The following TNR variants were observed in gnomAD, a reference collection of about 807,000 sequenced individuals.
TNR encodes tenascin R.
In TNR, 45 loss-of-function variants were observed where a neutral mutation model predicts 150.4. The observed-to-expected ratio is 0.30, with a 90% confidence interval of 0.24 to 0.38. The LOEUF is 0.38. TNR is among the 10% of genes least tolerant of loss of function. The pLI is 1.00. For missense variants in TNR, 1,544 were observed against 1,759.1 expected (o/e 0.88, Z 2.19); for synonymous variants, 687 against 678.4 (o/e 1.01, Z -0.20).
intron 1 of TNR, among the ~76,000 whole-genome samples, chr1:175,674,723 C>A (rs1665810074): frequency 6.6e-6 from 1 of 152,164 alleles, no homozygotes; most frequent in Admixed American, 6.5e-5. Context: ...GCCAGGTGGC[C>A]TCCCTGGGTA....
At chr1:175,716,739 C>A (rs144757521) in intron 1 of TNR, among the ~76,000 whole-genome samples, 1 of 152,150 alleles carries the variant, frequency 6.6e-6, no homozygotes, top group Non-Finnish European at 1.5e-5. Context: ...GACATGAGGC[C>A]CAGGAGTTGG....
At chr1:175,720,031 G>C (rs1157072625) in intron 1 of TNR, among the ~76,000 whole-genome samples, 1 of 152,188 alleles carries the variant, frequency 6.6e-6, no homozygotes, top group Non-Finnish European at 1.5e-5. Context: ...GATCTGGACT[G>C]TTTCCAGCAC....
At chr1:175,742,054 T>A (rs1216379953) in intron 1 of TNR, among the ~76,000 whole-genome samples, 1 of 152,284 alleles carries the variant, frequency 6.6e-6, no homozygotes, top group East Asian at 1.9e-4. Context: ...TCAACACCAC[T>A]TGTTGAATGA....
Position 175,599,012 on chromosome 1 carries a change from G to A in TNR, c.-164-70643C>T, listed in dbSNP as rs866858877. On this transcript the variant is annotated intron_variant, in intron 1 of 22. Transcript: ENST00000367674. The surrounding 1 kb of genome is among the most constrained non-coding windows in gnomAD (Gnocchi z 4.7). ...ATCGAATGCACTCTTAGGTGGCTCC[G>A]GCTCTCCAGGAGCTAAAGGGCTTCC... 6.6e-6 allele frequency among the ~76,000 whole-genome samples: 1 copy of A among 152,198 alleles called. No individual in the cohort carries two copies. The highest frequency in any genetic ancestry group is 1.5e-5 in the Non-Finnish European group (1 of 68,030).
rs36055169 is a variant in TNR, at chr1:175,376,879, T to TATATATACAC, written c.1963+2672_1963+2673insGTGTATATAT. The stretch of plus-strand genomic sequence containing the variant: ...GTAATATTATATATATATATATATA[T>TATATATACAC]ACACATATATTTGAAATGTTTTAAA... On this transcript the variant is annotated intron_variant, in intron 9 of 22. Coordinates refer to ENST00000367674, the MANE Select transcript of TNR (RefSeq NM_003285.3). 5.6e-3 allele frequency among the ~76,000 whole-genome samples: 814 copies of TATATATACAC among 146,524 alleles called. 4 individuals carry two copies. The highest frequency in any genetic ancestry group is 9.2e-3 in the Non-Finnish European group (616 of 66,850).
intron 2 of TNR, among the ~76,000 whole-genome samples, chr1:175,439,506 A>G (rs1216968282): frequency 1.3e-4 from 20 of 152,274 alleles, no homozygotes; most frequent in Middle Eastern, 6.8e-3. Flanking sequence ...AATGGCAACA[A>G]AAGCCAAAAC....
intron 1 of TNR, among the ~76,000 whole-genome samples, chr1:175,598,592 G>A (rs1290279079): frequency 2.0e-5 from 3 of 152,226 alleles, no homozygotes; most frequent in Non-Finnish European, 4.4e-5. Context: ...TGCGTGAAAT[G>A]GCATGGTGAC....
intron 15 of TNR, 147 bp downstream of exon 15, chr1:175,359,465 G>C (rs1334672299): frequency 7.9e-7 from 1 of 1,273,562 alleles, no homozygotes; most frequent in African/African-American, 1.5e-5. Flanking sequence ...GGGATATCTT[G>C]AGGGCTTCAT....
At chr1:175,742,194 G>C (rs1446403845) in intron 1 of TNR, among the ~76,000 whole-genome samples, 1 of 152,208 alleles carries the variant, frequency 6.6e-6, no homozygotes, top group Non-Finnish European at 1.5e-5. Context: ...AGGAGAGACA[G>C]AGTAATACCT....
chr1:175,481,091 T>C (rs1022424650), intron 2 of TNR, among the ~76,000 whole-genome samples: 4 of 152,178 alleles, frequency 2.6e-5, no homozygotes, highest in Admixed American at 6.5e-5. Context: ...AATTTGTACA[T>C]TTCAGGCATT....
intron 2 of TNR, among the ~76,000 whole-genome samples, chr1:175,430,863 C>A (rs1655231845): frequency 6.6e-6 from 1 of 152,034 alleles, no homozygotes; most frequent in South Asian, 2.1e-4. Context: ...ATTATTACTG[C>A]AATAATGGGT....
intron 2 of TNR, among the ~76,000 whole-genome samples, chr1:175,503,143 A>T (rs941654283): frequency 6.6e-6 from 1 of 152,192 alleles, no homozygotes; most frequent in Non-Finnish European, 1.5e-5. Flanking sequence ...GCTGAGGATG[A>T]CTGGGAGACC....
chr1:175,665,976 C>A (rs2101899591), intron 1 of TNR, among the ~76,000 whole-genome samples: 1 of 152,312 alleles, frequency 6.6e-6, no homozygotes, highest in Non-Finnish European at 1.5e-5. Context: ...TGACAAAGAT[C>A]ATTCCATCCT....
chr1:175,403,147 G>A lies in TNR; in HGVS notation c.969C>T (p.Cys323=), dbSNP rs1443575929. 6 of 1,609,140 alleles carry A rather than the reference G, an allele frequency of 3.7e-6. No homozygotes were observed. ...GAGAGTTCCCCTGCCTACCTGCTGA[G>A]CAGTCAGGGCCCTGGTAGCCCTCTT... ...VCEEGYQGPD[C]SAVAPPEDLR... Residue 323 remains cysteine, a synonymous_variant, in exon 4 of 23, where the codon TGC becomes TGT. Transcript: ENST00000367674.
chr1:175,513,536 G>C (rs1659280245), intron 2 of TNR, among the ~76,000 whole-genome samples: 1 of 152,174 alleles, frequency 6.6e-6, no homozygotes, highest in Admixed American at 6.5e-5. Flanking sequence ...GTGCAGTGCT[G>C]CTGCGACTGG....
At chr1:175,619,861 G>T (rs1000559315) in intron 1 of TNR, among the ~76,000 whole-genome samples, 1 of 152,248 alleles carries the variant, frequency 6.6e-6, no homozygotes, top group African/African-American at 2.4e-5. Flanking sequence ...CAGAGGTTGT[G>T]TGTTGGAATG....
At chr1:175,707,383 A>G (rs949585397) in intron 1 of TNR, among the ~76,000 whole-genome samples, 5 of 152,118 alleles carry the variant, frequency 3.3e-5, no homozygotes, top group Admixed American at 6.5e-5. Context: ...CATTTTTCTG[A>G]TATTTATTTG....
intron 1 of TNR, among the ~76,000 whole-genome samples, chr1:175,626,822 G>A (rs1023318425): frequency 6.6e-6 from 1 of 152,168 alleles, no homozygotes; most frequent in Non-Finnish European, 1.5e-5. Flanking sequence ...AGGATCTTGA[G>A]ATGAAATCAT....
intron 2 of TNR, among the ~76,000 whole-genome samples, chr1:175,512,809 C>T (rs901690420): frequency 6.6e-6 from 1 of 152,184 alleles, no homozygotes; most frequent in African/African-American, 2.4e-5. Flanking sequence ...CTTCCCAACA[C>T]GTGCCCTTTG....
Sources: allele counts gnomAD v4.1 joint callset (sites outside exome capture counted in the v4.1 genomes callset), GRCh38; gene constraint gnomAD v4.1.1; non-coding constraint Gnocchi (gnomAD v3.1); transcripts MANE v1.5; gene names NCBI Gene and HGNC (gene_info 2026-07-23, HGNC 2026-07-21).